The following GOLGA7 variants were observed in gnomAD, a reference collection of about 807,000 sequenced individuals.
GOLGA7 encodes golgin subfamily A member 7.
In GOLGA7, 10 loss-of-function variants were observed where a neutral mutation model predicts 21.1. The ratio of observed to expected loss-of-function variants is 0.47; its 90% CI spans 0.29 to 0.80. GOLGA7 has a LOEUF of 0.80. Ranked by LOEUF, GOLGA7 falls within the 30% of genes least tolerant of loss-of-function variation. The probability of loss-of-function intolerance (pLI) is 0.08; values close to 1 mark genes in which losing one functional copy is unlikely to be tolerated. For missense variants in GOLGA7, 114 were observed against 166.8 expected, an observed-to-expected ratio of 0.68 and a Z score of 1.74; for synonymous variants, 64 against 62.6, an observed-to-expected ratio of 1.02 and a Z score of -0.10.
rs1309331884 is a variant in GOLGA7, at chr8:41,510,828, G to A, written c.*1260G>A. 2 of 153,396 alleles carry A rather than the reference G, an allele frequency of 1.3e-5. No homozygotes were observed. The highest frequency in any genetic ancestry group is 4.8e-5 in the African/African-American group (2 of 41,460). The allele number at this position is 153,396 out of a possible 1,614,324, so 9.5% of individuals were successfully genotyped here. On this transcript the variant is annotated 3_prime_UTR_variant, in exon 5 of 5. Transcript: ENST00000357743. ...TTTAATTTCTTTTATGGGTCTGTTA[G>A]TCATTCAACAAATCCCATAAGTATG...
At chr8:41,491,298 C>T (rs1805877241) in intron 1 of GOLGA7, among the ~76,000 whole-genome samples, 1 of 152,184 alleles carries the variant, frequency 6.6e-6, no homozygotes, top group Non-Finnish European at 1.5e-5. Flanking sequence ...GAGCCAATTC[C>T]TGAGGCTCCA....
intron 1 of GOLGA7, among the ~76,000 whole-genome samples, chr8:41,495,726 G>GTT (rs1004232171): frequency 4.8e-5 from 7 of 145,000 alleles, no homozygotes; most frequent in Admixed American, 4.6e-4. Context: ...TACGTAAGTA[G>GTT]TTATTAATTT....
intron 4 of GOLGA7, among the ~76,000 whole-genome samples, chr8:41,509,372 A>G (rs1806365669): frequency 6.6e-6 from 1 of 152,240 alleles, no homozygotes; most frequent in Non-Finnish European, 1.5e-5. Flanking sequence ...GTGCTTGGTC[A>G]GAGATCTGAA....
chr8:41,504,718 T>G (rs1806241487), intron 2 of GOLGA7, among the ~76,000 whole-genome samples: 1 of 152,244 alleles, frequency 6.6e-6, no homozygotes, highest in Non-Finnish European at 1.5e-5. Context: ...AAAAAATATT[T>G]GAATAAAGTG....
At chr8:41,508,795 G>T (rs139311496) in intron 4 of GOLGA7, among the ~76,000 whole-genome samples, 15 of 152,304 alleles carry the variant, frequency 9.8e-5, no homozygotes, top group African/African-American at 3.4e-4. Flanking sequence ...TTCGTTTTGG[G>T]ATTTGGGTGT....
At chr8:41,508,809 C>A (rs1383363114) in intron 4 of GOLGA7, among the ~76,000 whole-genome samples, 1 of 152,130 alleles carries the variant, frequency 6.6e-6, no homozygotes, top group Non-Finnish European at 1.5e-5. Context: ...TGGGTGTTCC[C>A]AAGGTCCAGG....
At chr8:41,495,776 T>A (rs1805997631) in intron 1 of GOLGA7, among the ~76,000 whole-genome samples, 1 of 152,096 alleles carries the variant, frequency 6.6e-6, no homozygotes, top group African/African-American at 2.4e-5. Flanking sequence ...AGGCCTAGAG[T>A]GCAGACAGAT....
chr8:41,497,021 A>G (rs1806034657), intron 1 of GOLGA7, among the ~76,000 whole-genome samples: 1 of 151,732 alleles, frequency 6.6e-6, no homozygotes, highest in African/African-American at 2.4e-5. Flanking sequence ...CATGTTAGCC[A>G]GGATGGTCTC....
Position 41,505,816 on chromosome 8 carries a change from A to G in GOLGA7, c.265-95A>G, listed in dbSNP as rs571712902. On this transcript the variant is annotated intron_variant, in intron 2 of 4. Transcript: ENST00000357743. The stretch of plus-strand genomic sequence containing the variant: ...ATGAATATCCATGTGACTTGCCTTG[A>G]AAACGAATTCCCACTGCCTATTTTG... The G allele has an allele frequency of 1.1e-5, 7 of 629,004 alleles. No individual in the cohort carries two copies. The East Asian group carries it at 1.4e-4, about 13-fold the overall frequency. The allele number at this position is 629,004 out of a possible 1,614,324, so 39.0% of individuals were successfully genotyped here. A position where few individuals can be genotyped will look rare whatever the true frequency, so the allele number is the denominator to read the frequency against.
At chr8:41,501,202 G>A (rs115706489) in intron 2 of GOLGA7, among the ~76,000 whole-genome samples, 41 of 152,166 alleles carry the variant, frequency 2.7e-4, no homozygotes, top group African/African-American at 8.4e-4. Context: ...TGAGATCTTG[G>A]ACAAATTAAT....
chr8:41,490,749 G>T lies in GOLGA7; in HGVS notation c.-106G>T. 6.0e-6 allele frequency: 4 copies of T among 663,926 alleles called. No homozygotes were observed. The allele number at this position is 663,926 out of a possible 1,614,324, so 41.1% of individuals were successfully genotyped here. A position where few individuals can be genotyped will look rare whatever the true frequency, so the allele number is the denominator to read the frequency against. ...AGGCCTTGGGCTGTTTTCGGCGGCG[G>T]GTGGGGGCGAGGGGCTGGCGGGTCA... On this transcript the variant is annotated 5_prime_UTR_variant, in exon 1 of 5. Coordinates refer to ENST00000357743, the MANE Select transcript of GOLGA7 (RefSeq NM_001002296.2).
rs184820464 is a variant in GOLGA7 at position 41,508,474 on chromosome 8, C to T, written c.*16-1110C>T. 4.0e-3 allele frequency among the ~76,000 whole-genome samples: 605 copies of T among 152,260 alleles called. 4 individuals carry two copies. Among genetic ancestry groups the T allele is most frequent in the Non-Finnish European group, 7.0e-3 (476 of 68,014 alleles). ...GAATACTTAGTGTTACTTGTCCATA[C>T]GCTTTCTCATGTACAATTTTCAAAC... On this transcript the variant is annotated intron_variant, in intron 4 of 4. Coordinates refer to ENST00000357743, the MANE Select transcript of GOLGA7 (RefSeq NM_001002296.2).
chr8:41,505,425 C>T (rs1216204028), intron 2 of GOLGA7, among the ~76,000 whole-genome samples: 1 of 152,192 alleles, frequency 6.6e-6, no homozygotes, highest in East Asian at 1.9e-4. Flanking sequence ...ATAAGCCCAC[C>T]TTATATCATT....
At chr8:41,501,441 A>G (rs1806148192) in intron 2 of GOLGA7, among the ~76,000 whole-genome samples, 1 of 151,848 alleles carries the variant, frequency 6.6e-6, no homozygotes, top group Admixed American at 6.6e-5. Flanking sequence ...ATGAAGTTTC[A>G]CCATATTGAC....
intron 2 of GOLGA7, among the ~76,000 whole-genome samples, chr8:41,500,687 C>T (rs1806128770): frequency 1.3e-5 from 2 of 152,220 alleles, no homozygotes; most frequent in South Asian, 2.1e-4. Context: ...ACCTCAGCCT[C>T]TCAGAGTATT....
intron 4 of GOLGA7, among the ~76,000 whole-genome samples, chr8:41,508,449 G>T (rs1276281355): frequency 1.3e-5 from 2 of 152,102 alleles, no homozygotes; most frequent in Non-Finnish European, 2.9e-5. Context: ...CTTTGTTTTG[G>T]AATACTTAGT....
intron 2 of GOLGA7, 22 bp downstream of exon 2, chr8:41,497,683 C>G: frequency 7.3e-7 from 1 of 1,362,812 alleles, no homozygotes; most frequent in Non-Finnish European, 1.0e-6. Context: ...TTTGTTTTCA[C>G]AAAAATCTCT....
chr8:41,508,881 C>T (rs942440959), intron 4 of GOLGA7, among the ~76,000 whole-genome samples: 2 of 151,844 alleles, frequency 1.3e-5, no homozygotes, highest in African/African-American at 4.8e-5. Flanking sequence ...TTATTCAATT[C>T]TTCCATTTTT....
chr8:41,504,907 C>T (rs532268448), intron 2 of GOLGA7, among the ~76,000 whole-genome samples: 26 of 152,300 alleles, frequency 1.7e-4, no homozygotes, highest in African/African-American at 2.9e-4. Flanking sequence ...TTTCCATACA[C>T]TTCTTTTTTC....
Sources: gnomAD v4.1 joint callset for allele counts (sites outside exome capture counted in the v4.1 genomes callset) on GRCh38, gnomAD v4.1.1 for gene constraint, MANE v1.5 for transcripts, NCBI Gene and HGNC (gene_info 2026-07-23, HGNC 2026-07-21) for gene names.